MAD1L1: variants seen among roughly 807,000 people sequenced by gnomAD.
MAD1L1 encodes mitotic spindle assembly checkpoint protein MAD1.
MAD1L1 carries 95 observed loss-of-function variants against 96.9 expected under a neutral mutation model. The ratio of observed to expected loss-of-function variants is 0.98; its 90% CI spans 0.83 to 1.16. The LOEUF is 1.16. MAD1L1 is among the 50% of genes most tolerant of loss of function. MAD1L1 has a pLI of 0.00. For missense variants in MAD1L1, 1,007 were observed against 954.4 expected, an observed-to-expected ratio of 1.06 and a Z score of -0.73; for synonymous variants, 473 against 396.6, an observed-to-expected ratio of 1.19 and a Z score of -2.29.
At chr7:1,950,995 A>C (rs894887960) in intron 16 of MAD1L1, among the ~76,000 whole-genome samples, 1 of 152,208 alleles carries the variant, frequency 6.6e-6, no homozygotes, top group Non-Finnish European at 1.5e-5. Flanking sequence ...TGGGAGGAGG[A>C]GGCGGGGGAC....
chr7:1,879,685 G>A (rs1414038021), intron 18 of MAD1L1, among the ~76,000 whole-genome samples: 1 of 152,178 alleles, frequency 6.6e-6, no homozygotes, highest in Admixed American at 6.5e-5. Context: ...GCAGCACAAG[G>A]TCACCTGAAT....
chr7:1,916,899 C>A (rs1213234621), intron 17 of MAD1L1, among the ~76,000 whole-genome samples: 1 of 152,228 alleles, frequency 6.6e-6, no homozygotes, highest in Non-Finnish European at 1.5e-5. Context: ...CAGGGCACCC[C>A]CATTCACCTA....
intron 12 of MAD1L1, among the ~76,000 whole-genome samples, chr7:2,034,424 C>T (rs1783373067): frequency 2.0e-5 from 3 of 152,022 alleles, no homozygotes; most frequent in East Asian, 1.9e-4. Context: ...ACCGTGTTGC[C>T]CAGGCTGGTC....
chr7:2,170,080 C>T (rs551797414), intron 10 of MAD1L1, among the ~76,000 whole-genome samples: 2 of 152,320 alleles, frequency 1.3e-5, no homozygotes, highest in Admixed American at 6.5e-5. Flanking sequence ...CACAAACACC[C>T]GGGCCAGGCT....
intron 17 of MAD1L1, among the ~76,000 whole-genome samples, chr7:1,925,881 A>T (rs1562529291): frequency 6.6e-6 from 1 of 152,242 alleles, no homozygotes; most frequent in South Asian, 2.1e-4. Flanking sequence ...AGGCCAGAAA[A>T]AAAGGAGAGC....
intron 18 of MAD1L1, among the ~76,000 whole-genome samples, chr7:1,860,941 G>C (rs769364853): frequency 8.5e-5 from 13 of 152,316 alleles, no homozygotes; most frequent in African/African-American, 2.9e-4. Context: ...ACCCAGTTCT[G>C]GGTCTTGCCT....
At chr7:2,051,433 C>G (rs1276015945) in intron 12 of MAD1L1, among the ~76,000 whole-genome samples, 1 of 152,200 alleles carries the variant, frequency 6.6e-6, no homozygotes, top group Non-Finnish European at 1.5e-5. Flanking sequence ...CTCCTGGGAT[C>G]TGGATGAAGT....
At chr7:2,214,348 C>T (rs1267821025) in intron 9 of MAD1L1, among the ~76,000 whole-genome samples, 1 of 152,194 alleles carries the variant, frequency 6.6e-6, no homozygotes, top group African/African-American at 2.4e-5. Context: ...CTACAGAACC[C>T]AGCACCTGAG....
At chr7:2,058,826 G>C (rs1448017281) in intron 12 of MAD1L1, among the ~76,000 whole-genome samples, 2 of 115,894 alleles carry the variant, frequency 1.7e-5, no homozygotes, top group Admixed American at 8.4e-5. Flanking sequence ...TGTGGCCAGA[G>C]GAGAGAAGCA....
At chr7:1,983,970 C>T (rs1490278124) in intron 14 of MAD1L1, among the ~76,000 whole-genome samples, 1 of 152,168 alleles carries the variant, frequency 6.6e-6, no homozygotes, top group Non-Finnish European at 1.5e-5. Flanking sequence ...TTTTGTTTCA[C>T]TAAGGTTTAC....
Position 2,226,633 on chromosome 7 carries a change from A to T in MAD1L1, c.151-1083T>A, listed in dbSNP as rs114893831. Among the ~76,000 whole-genome samples the T allele has an allele frequency of 9.3e-3, 1,421 of 152,342 alleles. 26 individuals are homozygous for T. Among genetic ancestry groups the T allele is most frequent in the African/African-American group, 0.032 (1,331 of 41,568 alleles). ...CACGTGGCCCAGAGCCTTGCAGTGC[A>T]GCATCTCCCGGCACTTAACAAATGC... On this transcript the variant is annotated intron_variant, in intron 3 of 18. Coordinates refer to ENST00000265854, the MANE Select transcript of MAD1L1 (RefSeq NM_001013836.2).
At chr7:1,842,825 C>A (rs1783350492) in intron 18 of MAD1L1, among the ~76,000 whole-genome samples, 1 of 152,270 alleles carries the variant, frequency 6.6e-6, no homozygotes. Flanking sequence ...CTGCGTCCCA[C>A]ATGTCAGCCC....
chr7:2,118,036 G>A (rs1290320018), intron 11 of MAD1L1, among the ~76,000 whole-genome samples: 2 of 152,214 alleles, frequency 1.3e-5, no homozygotes, highest in Non-Finnish European at 1.5e-5. Flanking sequence ...CAGGACAGGA[G>A]AGGATCAGGC....
intron 18 of MAD1L1, among the ~76,000 whole-genome samples, chr7:1,818,389 A>C (rs1179221782): frequency 6.6e-6 from 1 of 151,922 alleles, no homozygotes; most frequent in Non-Finnish European, 1.5e-5. Context: ...CATTTCTAAA[A>C]ATATTTTTTT....
intron 15 of MAD1L1, among the ~76,000 whole-genome samples, chr7:1,975,889 G>A (rs1046288576): frequency 3.3e-5 from 5 of 152,300 alleles, no homozygotes; most frequent in African/African-American, 9.6e-5. Context: ...GCACAGATAG[G>A]CAAGCCTCTG....
Position 1,980,687 on chromosome 7 carries a change from T to C in MAD1L1, c.1417-146A>G, listed in dbSNP as rs1310638141. 9.7e-6 allele frequency: 7 copies of C among 723,538 alleles called. No individual in the cohort carries two copies. In the South Asian group the frequency reaches 1.0e-4, roughly 11 times the overall value. The allele number at this position is 723,538 out of a possible 1,614,324, so 44.8% of individuals were successfully genotyped here. Reference sequence around the variant, plus strand: ...GGGAGAGACCTCTCTCCTGGAAGCCTGAAGCTGCCAGGCCAGACAGCACTC... The same window carrying C: ...GGGAGAGACCTCTCTCCTGGAAGCCCGAAGCTGCCAGGCCAGACAGCACTC... On this transcript the variant is annotated intron_variant, in intron 14 of 18. Transcript: ENST00000265854.
intron 5 of MAD1L1, 147 bp from the exon 6 acceptor site, chr7:2,219,603 G>A (rs1793482127): frequency 1.5e-6 from 1 of 678,658 alleles, no homozygotes. Flanking sequence ...GGAATAAGGG[G>A]GCAGAGGGGC....
chr7:2,225,254 A>G (rs1793824204), intron 4 of MAD1L1, among the ~76,000 whole-genome samples, 156 bp downstream of exon 4: 1 of 37,218 alleles, frequency 2.7e-5, no homozygotes, highest in African/African-American at 5.7e-5. Context: ...GCTCCCAGGG[A>G]CTGGGATCTG....
chr7:1,822,433 T>A (rs1454414996), intron 18 of MAD1L1, among the ~76,000 whole-genome samples: 2 of 89,964 alleles, frequency 2.2e-5, no homozygotes. Flanking sequence ...CCTCAGCATA[T>A]ATATATATAT....
Sources: gnomAD v4.1 joint callset for allele counts (sites outside exome capture counted in the v4.1 genomes callset) on GRCh38, gnomAD v4.1.1 for gene constraint, MANE v1.5 for transcripts, NCBI Gene and HGNC (gene_info 2026-07-23, HGNC 2026-07-21) for gene names.